SDC2: variants seen among roughly 807,000 people sequenced by gnomAD.
SDC2 encodes syndecan 2, also known as syndecan-2.
In SDC2, 13 loss-of-function variants were observed where a neutral mutation model predicts 22.2. That is an observed-to-expected ratio of 0.59 (90% CI 0.38 to 0.93). The LOEUF is 0.93. Ranked by LOEUF, SDC2 falls within the 40% of genes least tolerant of loss-of-function variation. The pLI is 0.00. For missense variants in SDC2, 235 were observed against 246.8 expected (o/e 0.95, Z 0.32); for synonymous variants, 94 against 92.8 (o/e 1.01, Z -0.07).
chr8:96,499,804 T>C (rs1246987415), intron 1 of SDC2, among the ~76,000 whole-genome samples: 1 of 151,422 alleles, frequency 6.6e-6, no homozygotes, highest in East Asian at 1.9e-4. Flanking sequence ...GAGGGAGCCA[T>C]GTCAGATGTT....
intron 1 of SDC2, among the ~76,000 whole-genome samples, chr8:96,500,158 T>C (rs1038465626): frequency 2.6e-5 from 4 of 152,146 alleles, no homozygotes; most frequent in African/African-American, 7.2e-5. Flanking sequence ...AAGACATTGA[T>C]GTAACGTCTT....
chr8:96,600,082 C>A (rs1218564797), intron 2 of SDC2, among the ~76,000 whole-genome samples: 1 of 152,088 alleles, frequency 6.6e-6, no homozygotes, highest in Non-Finnish European at 1.5e-5. Context: ...TTGCTTGAGC[C>A]CGCAAGTTTG....
At chr8:96,583,390 ATATGTGTG>A (rs1243138156) in intron 1 of SDC2, among the ~76,000 whole-genome samples, 22 of 30,742 alleles carry the variant, frequency 7.2e-4, no homozygotes, top group African/African-American at 2.0e-3. Flanking sequence ...TATATATGAC[ATATGTGTG>A]TGTGTGTGTG....
At chr8:96,557,507 C>T (rs1411774509) in intron 1 of SDC2, among the ~76,000 whole-genome samples, 2 of 149,418 alleles carry the variant, frequency 1.3e-5, no homozygotes, top group East Asian at 1.9e-4. Flanking sequence ...TCATCATTCT[C>T]AGTAAACTAT....
At position 96,494,110 on chromosome 8, in the gene SDC2, G is replaced by A; in HGVS notation, c.-162G>A. The A allele has an allele frequency of 3.1e-6, 2 of 642,302 alleles. No individual in the cohort carries two copies. Among genetic ancestry groups the A allele is most frequent in the South Asian group, 2.1e-5 (1 of 47,682 alleles). 39.8% of individuals were successfully genotyped at this position (642,302 alleles called of 1,614,324 possible). A position where few individuals can be genotyped will look rare whatever the true frequency, so the allele number is the denominator to read the frequency against. On this transcript the variant is annotated 5_prime_UTR_variant, in exon 1 of 5. Coordinates refer to ENST00000302190, the MANE Select transcript of SDC2 (RefSeq NM_002998.4). The stretch of plus-strand genomic sequence containing the variant: ...GGGAGCAGGCGCAGGAGGAGGAAGC[G>A]AGCGCCCCCGAGCCCCGAGCCCGAG...
chr8:96,523,910 T>A (rs1586279100), intron 1 of SDC2, among the ~76,000 whole-genome samples: 1 of 152,344 alleles, frequency 6.6e-6, no homozygotes, highest in South Asian at 2.1e-4. Flanking sequence ...TAAGATTATT[T>A]CTTCTCTGGT....
chr8:96,507,011 GAAA>G lies in SDC2; in HGVS notation c.60+12698_60+12700del, dbSNP rs3065030. Among the ~76,000 whole-genome samples the G allele has an allele frequency of 1.9e-3, 213 of 111,384 alleles. 1 individual carries two copies. The highest frequency in any genetic ancestry group is 4.7e-3 in the African/African-American group (148 of 31,680). 73.1% of individuals were successfully genotyped at this position (111,384 alleles called of 152,430 possible). ...GCAACAGAGCGAGACTCTGTCTCAG[GAAA>G]AAAAAAAAAAAAAAAAAGATAGCTA... is the stretch of plus-strand genomic sequence containing the variant. On this transcript the variant is annotated intron_variant, in intron 1 of 4. Coordinates refer to ENST00000302190, the MANE Select transcript of SDC2 (RefSeq NM_002998.4).
chr8:96,601,901 G>T (rs1188586556), intron 2 of SDC2, among the ~76,000 whole-genome samples: 1 of 151,770 alleles, frequency 6.6e-6, no homozygotes, highest in Non-Finnish European at 1.5e-5. Flanking sequence ...TGGGATTACA[G>T]GCGTGCGCCG....
At chr8:96,514,509 G>C (rs954887786) in intron 1 of SDC2, among the ~76,000 whole-genome samples, 1 of 152,166 alleles carries the variant, frequency 6.6e-6, no homozygotes, top group Non-Finnish European at 1.5e-5. Flanking sequence ...TGACCCATGT[G>C]TCATAGTGCA....
At chr8:96,595,912 T>G (rs1198239877) in intron 2 of SDC2, among the ~76,000 whole-genome samples, 1 of 152,232 alleles carries the variant, frequency 6.6e-6, no homozygotes, top group Non-Finnish European at 1.5e-5. Flanking sequence ...GCCCTAGCCT[T>G]AGGCAGATCA....
At position 96,567,383 on chromosome 8, in the gene SDC2, G is replaced by A. The variant is rs191386552; in HGVS notation, c.61-26097G>A. On this transcript the variant is annotated intron_variant, in intron 1 of 4. Coordinates refer to ENST00000302190, the MANE Select transcript of SDC2 (RefSeq NM_002998.4). Reference sequence around the variant, plus strand: ...ATTTTTTGAATTTCAATAGCTTTAGGGATACATGGTTTTTGGTTATATGAA... The same window carrying A: ...ATTTTTTGAATTTCAATAGCTTTAGAGATACATGGTTTTTGGTTATATGAA... 5.3e-5 allele frequency among the ~76,000 whole-genome samples: 8 copies of A among 152,232 alleles called. No individual in the cohort carries two copies. The East Asian group carries it at 9.7e-4, about 18-fold the overall frequency.
chr8:96,500,126 A>C (rs1563638513), intron 1 of SDC2, among the ~76,000 whole-genome samples: 1 of 152,152 alleles, frequency 6.6e-6, no homozygotes, highest in Non-Finnish European at 1.5e-5. Context: ...TCAGCATTGC[A>C]GGGTTGGTGT....
At chr8:96,555,751 A>C (rs1254415718) in intron 1 of SDC2, among the ~76,000 whole-genome samples, 2 of 152,128 alleles carry the variant, frequency 1.3e-5, no homozygotes, top group Non-Finnish European at 2.9e-5. Flanking sequence ...ATATGACAGC[A>C]TTTTCTTCAC....
chr8:96,522,529 A>G (rs372880422), intron 1 of SDC2, among the ~76,000 whole-genome samples: 11 of 152,318 alleles, frequency 7.2e-5, no homozygotes, highest in East Asian at 3.9e-4. Context: ...TTTGTCCCCA[A>G]TTGCTTGCAG....
intron 1 of SDC2, among the ~76,000 whole-genome samples, chr8:96,510,368 G>A (rs1813309895): frequency 6.6e-6 from 1 of 152,098 alleles, no homozygotes; most frequent in Admixed American, 6.6e-5. Flanking sequence ...AGTGCTTTAG[G>A]CTGTCTTGTG....
intron 1 of SDC2, among the ~76,000 whole-genome samples, chr8:96,516,954 A>G (rs1367769309): frequency 2.6e-5 from 4 of 152,210 alleles, no homozygotes; most frequent in Non-Finnish European, 5.9e-5. Flanking sequence ...TCCTGAGTAT[A>G]TATACCTACG....
At position 96,565,097 on chromosome 8, in the gene SDC2, T is replaced by TTTTTTTTTTTTTTTTTG. The variant is rs1329448270; in HGVS notation, c.61-28381_61-28380insTTTTTTTTTTTTTTGTT. ...ATCCTAAATTTGATTTTTTTTTTTT[T>TTTTTTTTTTTTTTTTTG]TTGTTGAGATGGGGAGTGTTGCTCT... On this transcript the variant is annotated intron_variant, in intron 1 of 4. Transcript: ENST00000302190. 3.9e-5 allele frequency among the ~76,000 whole-genome samples: 5 copies of TTTTTTTTTTTTTTTTTG among 128,664 alleles called. 1 individual carries two copies. The highest frequency in any genetic ancestry group is 1.3e-4 in the African/African-American group (4 of 31,344). The allele number at this position is 128,664 out of a possible 152,430, so 84.4% of individuals were successfully genotyped here.
chr8:96,562,185 CTA>C (rs1368486491), intron 1 of SDC2, among the ~76,000 whole-genome samples: 19 of 152,162 alleles, frequency 1.2e-4, no homozygotes, highest in African/African-American at 4.6e-4. Context: ...TTTTTAAGAT[CTA>C]TGTCTAGATT....
Position 96,494,319 on chromosome 8 carries a change from G to A in SDC2, c.48G>A (p.Val16=). The change falls in exon 1 of 5, where the codon GTG becomes GTA. Residue 16 remains valine (V), a synonymous_variant. Coordinates refer to ENST00000302190, the MANE Select transcript of SDC2 (RefSeq NM_002998.4). ...TCACCTTGGGCTTGGTGGCCTGCGTGTCGGCGGAGTCGGTGAGTGGGCCAG... is the reference window on the plus strand; with the variant it reads ...TCACCTTGGGCTTGGTGGCCTGCGTATCGGCGGAGTCGGTGAGTGGGCCAG... ...ILLTLGLVAC[V]SAESRAELTS... 1 of 1,543,362 alleles carries A rather than the reference G, an allele frequency of 6.5e-7. No homozygotes were observed. Among genetic ancestry groups the A allele is most frequent in the East Asian group, 2.4e-5 (1 of 41,188 alleles).
Sources: gnomAD v4.1 joint callset for allele counts (sites outside exome capture counted in the v4.1 genomes callset) on GRCh38, gnomAD v4.1.1 for gene constraint, MANE v1.5 for transcripts, NCBI Gene and HGNC (gene_info 2026-07-23, HGNC 2026-07-21) for gene names.